Variants in SLC1A2 observed in about 807,000 individuals in gnomAD.
SLC1A2 encodes the protein excitatory amino acid transporter 2.
SLC1A2 carries 15 observed loss-of-function variants against 48.8 expected under a neutral mutation model. The observed-to-expected ratio is 0.31, with a 90% CI of 0.21 to 0.47. SLC1A2 has a LOEUF of 0.47. SLC1A2 is among the 20% of genes least tolerant of loss of function. The probability of loss-of-function intolerance (pLI) is 0.99; values close to 1 mark genes in which losing one functional copy is unlikely to be tolerated. For synonymous variants in SLC1A2, 279 were observed against 272.6 expected, an observed-to-expected ratio of 1.02 and a Z score of -0.23; for missense variants, 502 against 730.5, an observed-to-expected ratio of 0.69 and a Z score of 3.61.
intron 1 of SLC1A2, among the ~76,000 whole-genome samples, chr11:35,375,665 G>A (rs1451963682): frequency 2.6e-5 from 4 of 152,138 alleles, no homozygotes; most frequent in Admixed American, 6.5e-5. Context: ...CTGCAAAGTC[G>A]TCACTCTGGT....
chr11:35,400,873 G>C (rs1392368856), intron 1 of SLC1A2, among the ~76,000 whole-genome samples: 1 of 152,194 alleles, frequency 6.6e-6, no homozygotes, highest in Admixed American at 6.5e-5. Context: ...ATGTGCCCAA[G>C]GGGGTTGGGC....
At chr11:35,335,193 G>C (rs6484783) in intron 1 of SLC1A2, among the ~76,000 whole-genome samples, 1 of 152,102 alleles carries the variant, frequency 6.6e-6, no homozygotes, top group African/African-American at 2.4e-5. Flanking sequence ...GTATTGTTGT[G>C]TATTGTTGTA....
At chr11:35,282,964 G>A (rs1850689640) in intron 8 of SLC1A2, among the ~76,000 whole-genome samples, 1 of 151,840 alleles carries the variant, frequency 6.6e-6, no homozygotes, top group African/African-American at 2.4e-5. Flanking sequence ...GCTTTGCCTG[G>A]CCTTCCACTC....
At chr11:35,388,935 G>T (rs76526624) in intron 1 of SLC1A2, among the ~76,000 whole-genome samples, 1 of 152,196 alleles carries the variant, frequency 6.6e-6, no homozygotes, top group Non-Finnish European at 1.5e-5. Flanking sequence ...AATAAACACC[G>T]GGGACTCCAA....
rs555459269 is a variant in SLC1A2, at chr11:35,375,892, T to C, written c.17+43058A>G. ...TGATTCTATTATTATCCCCAATTGG[T>C]AGACTAGGACATCAAGGCACAGAGA... On this transcript the variant is annotated intron_variant, in intron 1 of 10. Transcript: ENST00000278379. 8.4e-4 allele frequency among the ~76,000 whole-genome samples: 128 copies of C among 152,156 alleles called. 6 individuals carry two copies. The South Asian group carries it at 0.025, about 30-fold the overall frequency.
intron 9 of SLC1A2, among the ~76,000 whole-genome samples, chr11:35,271,659 C>T (rs1850282335): frequency 1.3e-5 from 2 of 151,898 alleles, no homozygotes; most frequent in Admixed American, 6.6e-5. Flanking sequence ...CTGGCCAGCA[C>T]GGTGAAACCC....
Position 35,254,141 on chromosome 11 carries a change from A to G in SLC1A2, c.*6753T>C, listed in dbSNP as rs552210958. ...AAATATATCTGCTGGCAACAAGATC[A>G]AGTTAGATTCACAGTTTGCCAGCTC... On this transcript the variant is annotated 3_prime_UTR_variant, in exon 11 of 11. Coordinates refer to ENST00000278379, the MANE Select transcript of SLC1A2 (RefSeq NM_004171.4). The G allele has an allele frequency of 6.5e-6, 1 of 152,778 alleles. No individual in the cohort carries two copies. Among genetic ancestry groups the G allele is most frequent in the East Asian group, 1.9e-4 (1 of 5,192 alleles). The allele number at this position is 152,778 out of a possible 1,614,324, so 9.5% of individuals were successfully genotyped here.
Position 35,260,777 on chromosome 11 carries a change from T to G in SLC1A2, c.*117A>C, listed in dbSNP as rs1950381538. 1 of 768,096 alleles carries G rather than the reference T, an allele frequency of 1.3e-6. No individual in the cohort carries two copies. Among genetic ancestry groups the G allele is most frequent in the South Asian group, 1.6e-5 (1 of 64,348 alleles). 47.6% of individuals were successfully genotyped at this position (768,096 alleles called of 1,614,324 possible). On this transcript the variant is annotated 3_prime_UTR_variant, in exon 11 of 11. Transcript: ENST00000278379. The stretch of plus-strand genomic sequence containing the variant: ...CTCCTCTAAGCCTCGGCTAACAGAT[T>G]AAGTAAACATAGAAATATACGCATT...
In SLC1A2 at chr11:35,251,344, C is replaced by T. The variant is rs760786013; in HGVS notation, c.*9550G>A. ...CACGTGAAATGTTACAGTAATCAGTCCACATTGTAAGAAAGCTTAGAAAGC... is the reference window on the plus strand; with the variant it reads ...CACGTGAAATGTTACAGTAATCAGTTCACATTGTAAGAAAGCTTAGAAAGC... On this transcript the variant is annotated 3_prime_UTR_variant, in exon 11 of 11. Coordinates refer to ENST00000278379, the MANE Select transcript of SLC1A2 (RefSeq NM_004171.4). The T allele has an allele frequency of 1.8e-4, 27 of 152,566 alleles. No homozygotes were observed. Among genetic ancestry groups the T allele is most frequent in the Non-Finnish European group, 4.0e-4 (27 of 68,030 alleles). The allele number at this position is 152,566 out of a possible 1,614,324, so 9.5% of individuals were successfully genotyped here.
intron 9 of SLC1A2, among the ~76,000 whole-genome samples, chr11:35,268,030 T>C (rs1264353372): frequency 6.6e-6 from 1 of 152,224 alleles, no homozygotes; most frequent in Non-Finnish European, 1.5e-5. Context: ...CATTTCCCCT[T>C]TAAATATGGA....
At chr11:35,343,297 C>T (rs1041623251) in intron 1 of SLC1A2, among the ~76,000 whole-genome samples, 2 of 152,244 alleles carry the variant, frequency 1.3e-5, no homozygotes, top group African/African-American at 4.8e-5. Flanking sequence ...CTAGGTTTCA[C>T]CTAGGACCTC....
At chr11:35,391,512 C>T (rs1271561384) in intron 1 of SLC1A2, 1 of 152,198 alleles carries the variant, frequency 6.6e-6, no homozygotes, top group Admixed American at 6.5e-5. Context: ...TGTGTACCTT[C>T]CCATACACCC....
intron 8 of SLC1A2, among the ~76,000 whole-genome samples, chr11:35,284,023 C>T (rs562976851): frequency 1.0e-4 from 15 of 148,494 alleles, no homozygotes; most frequent in African/African-American, 1.5e-4. Context: ...GTTCCCATTA[C>T]GCAGATGAGG....
At chr11:35,352,880 T>A (rs1853314023) in intron 1 of SLC1A2, among the ~76,000 whole-genome samples, 1 of 152,104 alleles carries the variant, frequency 6.6e-6, no homozygotes, top group African/African-American at 2.4e-5. Context: ...ATCCTATCAA[T>A]GTGGTGGGGA....
chr11:35,288,554 C>A (rs1850898912), intron 7 of SLC1A2, among the ~76,000 whole-genome samples: 1 of 152,164 alleles, frequency 6.6e-6, no homozygotes, highest in African/African-American at 2.4e-5. Context: ...GGTTGGTGGC[C>A]AGGATTCTCG....
chr11:35,354,663 T>C (rs868383451), intron 1 of SLC1A2, among the ~76,000 whole-genome samples: 3 of 152,032 alleles, frequency 2.0e-5, no homozygotes, highest in Non-Finnish European at 1.5e-5. Flanking sequence ...CAAATGCCAA[T>C]AGGGCCGAGG....
chr11:35,373,959 T>A (rs957355324), intron 1 of SLC1A2, among the ~76,000 whole-genome samples: 10 of 152,250 alleles, frequency 6.6e-5, no homozygotes, highest in African/African-American at 2.4e-4. Flanking sequence ...CAGGTTGAGT[T>A]TGAATGCTGA....
intron 8 of SLC1A2, 51 bp downstream of exon 8, chr11:35,286,706 G>T: frequency 7.2e-7 from 1 of 1,384,390 alleles, no homozygotes; most frequent in Non-Finnish European, 1.0e-6. Flanking sequence ...GAGTTAGTGT[G>T]GAGGGGAAAC....
intron 4 of SLC1A2, 119 bp downstream of exon 4, chr11:35,312,079 A>C: frequency 2.0e-6 from 2 of 1,012,264 alleles, no homozygotes; most frequent in East Asian, 2.4e-5. Flanking sequence ...GGGCCTAGAC[A>C]GAGATAATTA....
Sources: allele counts gnomAD v4.1 joint callset (sites outside exome capture counted in the v4.1 genomes callset), GRCh38; gene constraint gnomAD v4.1.1; transcripts MANE v1.5; gene names NCBI Gene and HGNC (gene_info 2026-07-23, HGNC 2026-07-21).